FGF14: variants seen among roughly 807,000 people sequenced by gnomAD.
The protein encoded by FGF14 is fibroblast growth factor 14.
A neutral mutation model predicts 25.5 loss-of-function variants in FGF14; 5 were observed. The observed-to-expected ratio is 0.20, with a 90% confidence interval of 0.10 to 0.41. FGF14 has a LOEUF of 0.41. Among genes scored for constraint, FGF14 ranks in the 10% least tolerant of loss-of-function variants. FGF14 has a pLI of 1.00. For synonymous variants in FGF14, 138 were observed against 118.3 expected (o/e 1.17, Z -1.08); for missense variants, 222 against 320.1 (o/e 0.69, Z 2.34).
At chr13:102,385,529 T>C (rs1194630663) in intron 1 of FGF14, among the ~76,000 whole-genome samples, 1 of 152,200 alleles carries the variant, frequency 6.6e-6, no homozygotes, top group African/African-American at 2.4e-5. Flanking sequence ...AAATTTTAAT[T>C]TAAAATAATC....
chr13:101,784,261 G>T (rs2039682258), intron 3 of FGF14, among the ~76,000 whole-genome samples: 1 of 152,152 alleles, frequency 6.6e-6, no homozygotes, highest in African/African-American at 2.4e-5. Context: ...GGTCCCAATA[G>T]ACCTTCTGAT....
chr13:102,160,991 G>A (rs2047596997), intron 1 of FGF14, among the ~76,000 whole-genome samples: 1 of 152,056 alleles, frequency 6.6e-6, no homozygotes, highest in African/African-American at 2.4e-5. Context: ...GTGCATTTCT[G>A]CTTAGAGGAT....
At chr13:102,390,642 C>A (rs532030936) in intron 1 of FGF14, among the ~76,000 whole-genome samples, 2 of 152,202 alleles carry the variant, frequency 1.3e-5, no homozygotes, top group African/African-American at 4.8e-5. Flanking sequence ...TAATTTTTAA[C>A]AGAAGTATAA....
intron 1 of FGF14, among the ~76,000 whole-genome samples, chr13:102,166,663 A>C (rs1310277510): frequency 6.6e-6 from 1 of 152,118 alleles, no homozygotes; most frequent in Non-Finnish European, 1.5e-5. Flanking sequence ...TTACAGGGAA[A>C]ATACGTGGGT....
At chr13:101,806,197 G>T (rs113788515) in intron 3 of FGF14, among the ~76,000 whole-genome samples, 2,020 of 151,978 alleles carry the variant, frequency 0.013, 63 homozygotes, top group African/African-American at 0.045. Context: ...CTAGGTGGGT[G>T]GATCACAAGG....
chr13:102,061,430 ACAGCCC>A (rs1359500020), intron 1 of FGF14, among the ~76,000 whole-genome samples: 1 of 152,202 alleles, frequency 6.6e-6, no homozygotes, highest in African/African-American at 2.4e-5. Context: ...GAAACGAGCC[ACAGCCC>A]CATGGCACGC....
rs143169141 is a variant in FGF14 at position 101,779,460 on chromosome 13, A to C, written c.409-52650T>G. On this transcript the variant is annotated intron_variant, in intron 3 of 4. Transcript: ENST00000376143. ...CTTCTTTCATTGTGTTAATGTATGA[A>C]TATTTCAGCGACTAAGGCACGTTTC... is the stretch of plus-strand genomic sequence containing the variant. Among the ~76,000 whole-genome samples the C allele has an allele frequency of 2.3e-3, 350 of 152,314 alleles. 2 individuals carry two copies. Among genetic ancestry groups the C allele is most frequent in the African/African-American group, 7.9e-3 (330 of 41,580 alleles).
At position 101,884,416 on chromosome 13, in the gene FGF14, G is replaced by A. The variant is rs183455953; in HGVS notation, c.194-9120C>T. Among the ~76,000 whole-genome samples, 30 of 152,252 alleles carry A rather than the reference G, an allele frequency of 2.0e-4. 1 individual carries two copies. The highest frequency in any genetic ancestry group is 9.7e-4 in the East Asian group (5 of 5,172). On this transcript the variant is annotated intron_variant, in intron 1 of 4. Transcript: ENST00000376143. ...CAAAAACAGGGAATGGAATGATTTA[G>A]TTTTGCCTCAGAAGACAGAATTAGG... is the stretch of plus-strand genomic sequence containing the variant.
At chr13:102,188,107 G>C (rs1182226726) in intron 1 of FGF14, among the ~76,000 whole-genome samples, 6 of 152,114 alleles carry the variant, frequency 3.9e-5, no homozygotes, top group Non-Finnish European at 7.4e-5. Context: ...GCAAGAACCA[G>C]ATACCTAGGC....
chr13:102,309,388 C>T lies in FGF14; in HGVS notation c.208+92083G>A, dbSNP rs373600404. Among the ~76,000 whole-genome samples the T allele has an allele frequency of 2.8e-4, 43 of 152,252 alleles. No individual in the cohort carries two copies. The South Asian group carries it at 6.4e-3, about 23-fold the overall frequency. ...AGCTAGGTAAAGGCATTCACTTCAC[C>T]GGCTGAAATGACGGGGCTATCAGCC... On this transcript the variant is annotated intron_variant, in intron 1 of 4. Transcript: ENST00000376131.
Position 102,240,656 on chromosome 13 carries a change from G to T in FGF14, c.208+160815C>A, listed in dbSNP as rs1230110093. On this transcript the variant is annotated intron_variant, in intron 1 of 4. Transcript: ENST00000376131. ...AGTATTGCTGGAAGAAACAGCTACAGGAGAGGAAAGATAAATACCTACCAT... is the reference window on the plus strand; with the variant it reads ...AGTATTGCTGGAAGAAACAGCTACATGAGAGGAAAGATAAATACCTACCAT... Among the ~76,000 whole-genome samples, 3 of 152,140 alleles carry T rather than the reference G, an allele frequency of 2.0e-5. No homozygotes were observed. In the East Asian group the frequency reaches 5.8e-4, roughly 29 times the overall value.
chr13:102,084,461 AT>A (rs1301257459), intron 1 of FGF14, among the ~76,000 whole-genome samples: 3 of 152,284 alleles, frequency 2.0e-5, no homozygotes, highest in Non-Finnish European at 4.4e-5. Context: ...CTAACAAGAC[AT>A]TTTTTATTCC....
intron 1 of FGF14, among the ~76,000 whole-genome samples, chr13:101,887,559 G>A (rs141930434): frequency 6.6e-6 from 1 of 152,142 alleles, no homozygotes; most frequent in African/African-American, 2.4e-5. Context: ...GGAGATAGCA[G>A]AATGGTGGTT....
intron 1 of FGF14, among the ~76,000 whole-genome samples, chr13:102,328,838 C>T (rs1225281998): frequency 2.0e-5 from 3 of 152,110 alleles, no homozygotes; most frequent in Non-Finnish European, 4.4e-5. Context: ...TCTGGTGTTC[C>T]GGTGAAACTG....
chr13:102,029,640 A>G (rs1202419151), intron 1 of FGF14, among the ~76,000 whole-genome samples: 1 of 152,120 alleles, frequency 6.6e-6, no homozygotes, highest in Non-Finnish European at 1.5e-5. Context: ...CTACAGAAAA[A>G]TTTGACTTTG....
At chr13:102,216,237 C>T (rs2050364893) in intron 1 of FGF14, among the ~76,000 whole-genome samples, 1 of 152,252 alleles carries the variant, frequency 6.6e-6, no homozygotes, top group Non-Finnish European at 1.5e-5. Flanking sequence ...TGAGATAACA[C>T]AGGATGAGGT....
intron 1 of FGF14, among the ~76,000 whole-genome samples, chr13:102,096,282 T>C (rs1022760656): frequency 5.3e-5 from 8 of 152,046 alleles, no homozygotes; most frequent in Non-Finnish European, 1.2e-4. Context: ...ATGAGCAGAA[T>C]TAACTAGTGG....
chr13:102,143,200 G>C (rs893822105), intron 1 of FGF14, among the ~76,000 whole-genome samples: 7 of 152,150 alleles, frequency 4.6e-5, no homozygotes, highest in African/African-American at 1.7e-4. Context: ...CCAGAGGGTA[G>C]AGTTTCCTCT....
At chr13:102,248,196 G>A (rs1479127259) in intron 1 of FGF14, among the ~76,000 whole-genome samples, 1 of 152,034 alleles carries the variant, frequency 6.6e-6, no homozygotes, top group African/African-American at 2.4e-5. Flanking sequence ...CCCACAACAC[G>A]AGTTTATCTA....
Sources: allele counts gnomAD v4.1 joint callset (sites outside exome capture counted in the v4.1 genomes callset), GRCh38; gene constraint gnomAD v4.1.1; transcripts MANE v1.5; gene names NCBI Gene and HGNC (gene_info 2026-07-23, HGNC 2026-07-21).